SLC24A4: variants seen among roughly 807,000 people sequenced by gnomAD.
SLC24A4 encodes the protein solute carrier family 24 member 4.
In SLC24A4, 53 loss-of-function variants were observed where a neutral mutation model predicts 79.0. That is an observed-to-expected ratio of 0.67 (90% confidence interval 0.54 to 0.84). The LOEUF is 0.84. Ranked by LOEUF, SLC24A4 falls within the 40% of genes least tolerant of loss-of-function variation. The pLI is 0.00. For missense variants in SLC24A4, 731 were observed against 822.0 expected (o/e 0.89, Z 1.35); for synonymous variants, 323 against 323.8 (o/e 1.00, Z 0.03).
chr14:92,431,010 GAGA>G (rs1461336995), intron 2 of SLC24A4, among the ~76,000 whole-genome samples: 1 of 152,214 alleles, frequency 6.6e-6, no homozygotes, highest in East Asian at 1.9e-4. Flanking sequence ...CCCATGGGAG[GAGA>G]AGGAAGGCTT....
rs1248930602 is a variant in SLC24A4 at position 92,482,836 on chromosome 14, T to C, written c.1412T>C (p.Met471Thr). 6.2e-7 allele frequency: 1 copy of C among 1,610,538 alleles called. No homozygotes were observed. Among genetic ancestry groups the C allele is most frequent in the Non-Finnish European group, 8.5e-7 (1 of 1,177,956 alleles). Residue 471 changes from methionine (M) to threonine (T), a missense_variant, in exon 13 of 17, where the codon ATG becomes ACG. Met to Thr is a moderately conservative substitution (Grantham distance 81, BLOSUM62 -1). Transcript: ENST00000532405. ...TGGATCGCTGTGTTCTCCTACATCA[T>C]GGTGTGGCTGGTGAGTGGGGGGAGC... ...TLWIAVFSYI[M>T]VWLVTIIGYT...
At chr14:92,334,550 T>C (rs920781934) in intron 2 of SLC24A4, among the ~76,000 whole-genome samples, 1 of 152,170 alleles carries the variant, frequency 6.6e-6, no homozygotes, top group African/African-American at 2.4e-5. Context: ...TCCCTCCCTC[T>C]CTCTCTTTCT....
chr14:92,455,275 C>G (rs1044182551), intron 11 of SLC24A4, among the ~76,000 whole-genome samples: 1 of 152,104 alleles, frequency 6.6e-6, no homozygotes, highest in African/African-American at 2.4e-5. Flanking sequence ...TGACACACAC[C>G]GAAAGGCTGT....
At chr14:92,463,859 C>T (rs1236218633) in intron 12 of SLC24A4, among the ~76,000 whole-genome samples, 1 of 152,152 alleles carries the variant, frequency 6.6e-6, no homozygotes, top group Non-Finnish European at 1.5e-5. Flanking sequence ...TGTCTTTGGA[C>T]TTATCGATTC....
At chr14:92,372,920 T>TTTCTTCCTTC in intron 2 of SLC24A4, among the ~76,000 whole-genome samples, 1 of 83,496 alleles carries the variant, frequency 1.2e-5, no homozygotes, top group Non-Finnish European at 2.5e-5. Context: ...TTCCTTCCTT[T>TTTCTTCCTTC]CTTTCTCTTT....
intron 2 of SLC24A4, among the ~76,000 whole-genome samples, chr14:92,347,868 G>A (rs1291590799): frequency 6.6e-6 from 1 of 152,210 alleles, no homozygotes; most frequent in South Asian, 2.1e-4. Context: ...AGAGGTTGCA[G>A]TGAGCCAAGA....
At chr14:92,476,344 C>T (rs1292181066) in intron 12 of SLC24A4, among the ~76,000 whole-genome samples, 1 of 152,130 alleles carries the variant, frequency 6.6e-6, no homozygotes, top group Non-Finnish European at 1.5e-5. Flanking sequence ...TGTACAGGGA[C>T]TACAAGCTAC....
At chr14:92,386,348 G>T (rs778327245) in intron 2 of SLC24A4, among the ~76,000 whole-genome samples, 3 of 152,030 alleles carry the variant, frequency 2.0e-5, no homozygotes, top group Non-Finnish European at 2.9e-5. Flanking sequence ...TGTAAAATGG[G>T]ACCATAACAG....
intron 13 of SLC24A4, among the ~76,000 whole-genome samples, chr14:92,486,083 GCCCCA>G (rs1895342858): frequency 6.6e-6 from 1 of 152,172 alleles, no homozygotes; most frequent in Admixed American, 6.5e-5. Flanking sequence ...AAGCAGTGAA[GCCCCA>G]CCTGTCCATC....
chr14:92,390,138 C>A (rs961134574), intron 2 of SLC24A4, among the ~76,000 whole-genome samples: 1 of 152,136 alleles, frequency 6.6e-6, no homozygotes, highest in Non-Finnish European at 1.5e-5. Flanking sequence ...CCGGGTCATC[C>A]CTGCAGTCCC....
chr14:92,347,848 C>T (rs1886629777), intron 2 of SLC24A4, among the ~76,000 whole-genome samples: 1 of 152,138 alleles, frequency 6.6e-6, no homozygotes, highest in East Asian at 1.9e-4. Context: ...ATTGCTTGAA[C>T]CCTGGAAGGA....
chr14:92,462,876 G>A (rs1378141247), intron 12 of SLC24A4: 1 of 152,176 alleles, frequency 6.6e-6, no homozygotes, highest in Non-Finnish European at 1.5e-5. Flanking sequence ...TCTGACCCCA[G>A]ACCCCAGATG....
intron 2 of SLC24A4, among the ~76,000 whole-genome samples, chr14:92,372,968 T>C (rs1888277139): frequency 7.1e-6 from 1 of 141,660 alleles, no homozygotes; most frequent in Non-Finnish European, 1.5e-5. Context: ...CCTCTCTCTC[T>C]CTCCCCCCCT....
Position 92,449,102 on chromosome 14 carries a change from A to C in SLC24A4, c.766A>C (p.Thr256Pro). 6.2e-7 allele frequency: 1 copy of C among 1,614,114 alleles called. No individual in the cohort carries two copies. Among genetic ancestry groups the C allele is most frequent in the African/African-American group, 1.3e-5 (1 of 75,024 alleles). ...KYNVKMQAFF[T>P]VKQKSIANGN... ...CAATGTGAAGATGCAAGCCTTTTTC[A>C]CAGTCAAACAAAAGAGCATTGCAAA... Residue 256 changes from threonine (T) to proline (P), a missense_variant, in exon 10 of 17, where the codon ACA becomes CCA. By Grantham distance (38) the Thr-to-Pro change is conservative (BLOSUM62 -1). Coordinates refer to ENST00000532405, the MANE Select transcript of SLC24A4 (RefSeq NM_153646.4).
chr14:92,343,628 CTTT>C (rs1456038828), intron 2 of SLC24A4, among the ~76,000 whole-genome samples: 117 of 147,584 alleles, frequency 7.9e-4, no homozygotes, highest in Middle Eastern at 3.4e-3. Context: ...TTCTTTCTTT[CTTT>C]CTTTCTTTCT....
chr14:92,361,906 G>A (rs72693195), intron 2 of SLC24A4, among the ~76,000 whole-genome samples: 10,529 of 152,230 alleles, frequency 0.069, 464 homozygotes, highest in Admixed American at 0.094. Context: ...ACGGAACCTG[G>A]ATATGGCATC....
intron 12 of SLC24A4, among the ~76,000 whole-genome samples, chr14:92,474,864 T>TATATATATATATATATC (rs1491176639): frequency 2.6e-5 from 1 of 38,974 alleles, no homozygotes; most frequent in Non-Finnish European, 4.9e-5. Flanking sequence ...TATATATATA[T>TATATATATATATATATC]TTTTTTTTTT....
chr14:92,408,550 T>C, intron 2 of SLC24A4: 1 of 415,214 alleles, frequency 2.4e-6, no homozygotes, highest in Non-Finnish European at 3.2e-6. Flanking sequence ...TCTGTGTGGC[T>C]TGGGGATGGG....
rs970851275 is a variant in SLC24A4, at chr14:92,484,896, G to T, written c.1423-1770G>T. The T allele has an allele frequency of 4.1e-6, 4 of 985,120 alleles. No homozygotes were observed. In the African/African-American group the frequency reaches 7.0e-5, roughly 17 times the overall value. 61.0% of individuals were successfully genotyped at this position (985,120 alleles called of 1,614,324 possible). A position where few individuals can be genotyped will look rare whatever the true frequency, so the allele number is the denominator to read the frequency against. ...AGCGTTGCTGAATAATACACAGTTT[G>T]GCCACTGAGTAGTGTGATTTCTTAT... On this transcript the variant is annotated intron_variant, in intron 13 of 16. Coordinates refer to ENST00000532405, the MANE Select transcript of SLC24A4 (RefSeq NM_153646.4).
Sources: gnomAD v4.1 joint callset for allele counts (sites outside exome capture counted in the v4.1 genomes callset) on GRCh38, gnomAD v4.1.1 for gene constraint, MANE v1.5 for transcripts, NCBI Gene and HGNC (gene_info 2026-07-23, HGNC 2026-07-21) for gene names.